Variants in SYNE1 observed in about 807,000 individuals in gnomAD.
SYNE1 encodes the protein nesprin-1.
A neutral mutation model predicts 1,111.0 loss-of-function variants in SYNE1; 616 were observed. That is an observed-to-expected ratio of 0.55 (90% confidence interval 0.52 to 0.59). SYNE1 has a LOEUF of 0.59. Ranked by LOEUF, SYNE1 falls within the 20% of genes least tolerant of loss-of-function variation. SYNE1 has a pLI of 0.00. For synonymous variants in SYNE1, 3,855 were observed against 3,825.8 expected (o/e 1.01, Z -0.28); for missense variants, 10,006 against 10,417.0 (o/e 0.96, Z 1.72).
chr6:152,294,756 T>G (rs951664514), intron 93 of SYNE1, among the ~76,000 whole-genome samples: 1 of 152,204 alleles, frequency 6.6e-6, no homozygotes, highest in Non-Finnish European at 1.5e-5. Flanking sequence ...TGAAATATCA[T>G]GCTTTCAAAT....
chr6:152,132,282 C>T (rs141636378), intron 143 of SYNE1, 68 bp from the exon 144 acceptor site: 68 of 1,271,876 alleles, frequency 5.3e-5, no homozygotes, highest in African/African-American at 5.9e-5. Flanking sequence ...TGTTGCACCA[C>T]GTTATCTCCC....
At chr6:152,606,978 CTTTTTT>C (rs71017544) in intron 3 of SYNE1, among the ~76,000 whole-genome samples, 2 of 62,266 alleles carry the variant, frequency 3.2e-5, no homozygotes, top group East Asian at 4.6e-4. Flanking sequence ...CCTCGGTTCT[CTTTTTT>C]TTTTTTTTTT....
At chr6:152,482,636 C>G (rs1260056814) in intron 14 of SYNE1, among the ~76,000 whole-genome samples, 1 of 152,018 alleles carries the variant, frequency 6.6e-6, no homozygotes, top group African/African-American at 2.4e-5. Context: ...ACCATCAAAG[C>G]CTAACCCCAC....
intron 3 of SYNE1, among the ~76,000 whole-genome samples, chr6:152,623,413 A>C (rs12110355): frequency 4.6e-5 from 7 of 152,194 alleles, no homozygotes; most frequent in Admixed American, 4.6e-4. Context: ...ACAAAACTAT[A>C]AAAACCACAG....
chr6:152,442,300 T>C, intron 30 of SYNE1, 55 bp from the exon 31 acceptor site: 1 of 1,602,906 alleles, frequency 6.2e-7, no homozygotes, highest in South Asian at 1.1e-5. Flanking sequence ...AACAGCTAAG[T>C]AGGGACATCA....
At chr6:152,584,045 A>AC (rs879666373) in intron 3 of SYNE1, among the ~76,000 whole-genome samples, 1 of 152,216 alleles carries the variant, frequency 6.6e-6, no homozygotes, top group Non-Finnish European at 1.5e-5. Context: ...CTGGTACCAG[A>AC]CTGCCTGCTT....
chr6:152,479,480 G>C (rs1256712418), intron 14 of SYNE1, among the ~76,000 whole-genome samples: 2 of 152,158 alleles, frequency 1.3e-5, no homozygotes, highest in African/African-American at 4.8e-5. Flanking sequence ...ATAAGCAATA[G>C]CTTTGTGGTC....
chr6:152,526,422 G>A (rs2099164002), intron 4 of SYNE1, among the ~76,000 whole-genome samples: 1 of 152,190 alleles, frequency 6.6e-6, no homozygotes, highest in Non-Finnish European at 1.5e-5. Context: ...CTTAATGTAT[G>A]TACCAGCTTC....
In SYNE1 at chr6:152,419,641, C is replaced by G; in HGVS notation, c.5349G>C (p.Leu1783=). ...AGGTAGTTTGTAATTCACTGAGAAA[C>G]AGTTTAATCCAGACAGAAAAGGAAA... ...LLLSFSVWIK[L]FLSELQTTSE... The change falls in exon 40 of 146, where the codon CTG becomes CTC. Residue 1783 remains leucine, a synonymous_variant. Transcript: ENST00000367255. 6.2e-7 allele frequency: 1 copy of G among 1,613,650 alleles called. No homozygotes were observed. The highest frequency in any genetic ancestry group is 8.5e-7 in the Non-Finnish European group (1 of 1,179,906).
chr6:152,277,965 G>C, intron 98 of SYNE1, 124 bp downstream of exon 98: 1 of 1,013,024 alleles, frequency 9.9e-7, no homozygotes, highest in Admixed American at 1.7e-5. Flanking sequence ...AAATGTCAGC[G>C]TAAAGCAGGT....
chr6:152,467,099 G>A (rs1450339293), intron 16 of SYNE1, among the ~76,000 whole-genome samples: 3 of 151,954 alleles, frequency 2.0e-5, no homozygotes, highest in African/African-American at 7.2e-5. Context: ...TTTAAAAATT[G>A]TATCTATAAC....
chr6:152,441,562 A>T (rs2098530526), intron 31 of SYNE1, among the ~76,000 whole-genome samples: 1 of 152,248 alleles, frequency 6.6e-6, no homozygotes, highest in South Asian at 2.1e-4. Flanking sequence ...AAGTGACAAA[A>T]AAATAAAAAA....
Position 152,308,525 on chromosome 6 carries a change from G to C in SYNE1, c.17310C>G (p.Asn5770Lys). The C allele has an allele frequency of 3.1e-6, 5 of 1,613,742 alleles. No individual in the cohort carries two copies. The highest frequency in any genetic ancestry group is 4.2e-6 in the Non-Finnish European group (5 of 1,179,998). Residue 5770 changes from asparagine (N) to lysine (K), a missense_variant, in exon 91 of 146, where the codon AAC (asparagine) becomes AAG (lysine). Asn to Lys is a moderately conservative substitution (Grantham distance 94). This residue lies in a region of SYNE1 where 4,955 missense variants were observed against 5,017.2 expected (regional missense o/e 0.99). Coordinates refer to ENST00000367255, the MANE Select transcript of SYNE1 (RefSeq NM_182961.4). ...AAATCTGAGCCTGCAGCTCCTGTAT[G>C]TTACTGGTGGCAACAGGTTTATCCT... ...EIEDKPVATS[N>K]IQELQAQISR...
chr6:152,261,579 A>G (rs1409097527), intron 101 of SYNE1, among the ~76,000 whole-genome samples: 1 of 152,162 alleles, frequency 6.6e-6, no homozygotes, highest in African/African-American at 2.4e-5. Context: ...CAACGTCCCA[A>G]TATGTTTCTC....
chr6:152,368,993 T>G lies in SYNE1; in HGVS notation c.9786A>C (p.Leu3262=). Reference sequence around the variant, plus strand: ...TTACCTTTGTTAAATTGCTTAGCGCTAGATACTGAGAAGACAGCTGCGACA... The same window carrying G: ...TTACCTTTGTTAAATTGCTTAGCGCGAGATACTGAGAAGACAGCTGCGACA... ...HRVSQLSSQY[L]ALSNLTKEKV... Residue 3262 remains leucine, a synonymous_variant, in exon 61 of 146, where the codon CTA becomes CTC. Transcript: ENST00000367255. 1.9e-6 allele frequency: 3 copies of G among 1,614,206 alleles called. No individual in the cohort carries two copies. The highest frequency in any genetic ancestry group is 1.7e-6 in the Non-Finnish European group (2 of 1,180,032).
chr6:152,324,725 C>A (rs1213156437), intron 81 of SYNE1, among the ~76,000 whole-genome samples: 1 of 152,044 alleles, frequency 6.6e-6, no homozygotes, highest in East Asian at 1.9e-4. Context: ...GGCGTGAACC[C>A]GGGAGGCGGA....
intron 115 of SYNE1, among the ~76,000 whole-genome samples, chr6:152,229,045 T>G (rs2153502671): frequency 6.6e-6 from 1 of 152,328 alleles, no homozygotes; most frequent in African/African-American, 2.4e-5. Context: ...CTCTTCCTTT[T>G]CAGAACCGAA....
chr6:152,394,211 T>G (rs1489843056), intron 51 of SYNE1, among the ~76,000 whole-genome samples: 2 of 152,240 alleles, frequency 1.3e-5, no homozygotes, highest in Non-Finnish European at 2.9e-5. Flanking sequence ...CACATTTTCT[T>G]TATCCAGTCT....
chr6:152,278,146 G>A lies in SYNE1; in HGVS notation c.18516C>T (p.Leu6172=). The A allele has an allele frequency of 1.2e-6, 2 of 1,614,106 alleles. No homozygotes were observed. Among genetic ancestry groups the A allele is most frequent in the Non-Finnish European group, 1.7e-6 (2 of 1,180,046 alleles). ...TCTGCAGCTCCAGCAGGCTCCCCTT[G>A]AGCCTTCTCAGCTTTCCAGCCAGCT... is the stretch of plus-strand genomic sequence containing the variant. The part of the protein sequence containing the change: ...AEQLAGKLRR[L]KGSLLELQRA... The change falls in exon 98 of 146, where the codon CTC becomes CTT. Residue 6172 remains leucine, a synonymous_variant. Coordinates refer to ENST00000367255, the MANE Select transcript of SYNE1 (RefSeq NM_182961.4).
Sources: gnomAD v4.1 joint callset for allele counts (sites outside exome capture counted in the v4.1 genomes callset) on GRCh38, gnomAD v4.1.1 for gene constraint, gnomAD v4.1.1 regional missense constraint, MANE v1.5 for transcripts, NCBI Gene and HGNC (gene_info 2026-07-23, HGNC 2026-07-21) for gene names.